PER1: variants seen among roughly 807,000 people sequenced by gnomAD.
PER1 encodes the protein period circadian regulator 1, also known as period circadian protein homolog 1.
In PER1, 87 loss-of-function variants were observed where a neutral mutation model predicts 125.9. The ratio of observed to expected loss-of-function variants is 0.69; its 90% CI spans 0.58 to 0.83. The LOEUF is 0.83. Among genes scored for constraint, PER1 ranks in the 40% least tolerant of loss-of-function variants. The pLI is 0.00. For synonymous variants in PER1, 801 were observed against 714.7 expected, an observed-to-expected ratio of 1.12 and a Z score of -1.93; for missense variants, 1,775 against 1,722.8, an observed-to-expected ratio of 1.03 and a Z score of -0.54.
Position 8,151,769 on chromosome 17 carries a change from C to A in PER1, c.-140+568G>T, listed in dbSNP as rs188370297. ...TTTTCTGGCCAGACCCCCCCACCAA[C>A]CCCAAGCCTTGGGCAGAAGACACAC... On this transcript the variant is annotated intron_variant, in intron 1 of 22. Coordinates refer to ENST00000317276, the MANE Select transcript of PER1 (RefSeq NM_002616.3). Among the ~76,000 whole-genome samples the A allele has an allele frequency of 3.3e-5, 5 of 152,248 alleles. No homozygotes were observed. In the East Asian group the frequency reaches 7.7e-4, roughly 23 times the overall value.
At chr17:8,145,309 C>T (rs1049698656) in intron 17 of PER1, 2 of 266,120 alleles carry the variant, frequency 7.5e-6, no homozygotes, top group Non-Finnish European at 1.4e-5. Flanking sequence ...CCTTCCCTCA[C>T]ACATTTTCTT....
chr17:8,148,451 T>C (rs1982601557), intron 8 of PER1, among the ~76,000 whole-genome samples, 192 bp from the exon 9 acceptor site: 2 of 152,212 alleles, frequency 1.3e-5, no homozygotes, highest in African/African-American at 4.8e-5. Flanking sequence ...CAAGGCATTC[T>C]TCTCTGCCCT....
rs200267715 is a variant in PER1 at position 8,143,584 on chromosome 17, C to T, written c.2754G>A (p.Met918Ile). The T allele has an allele frequency of 1.4e-6, 2 of 1,461,732 alleles. No individual in the cohort carries two copies. Among genetic ancestry groups the T allele is most frequent in the Admixed American group, 5.2e-5 (2 of 38,314 alleles). 90.5% of individuals were successfully genotyped at this position (1,461,732 alleles called of 1,614,324 possible). A position where few individuals can be genotyped will look rare whatever the true frequency, so the allele number is the denominator to read the frequency against. Reference sequence around the variant, plus strand: ...GATAGTTAGGGAGCACCAAGGCCACCATTGGGGTCACCAAAGGGGCGGGGA... The same window carrying T: ...GATAGTTAGGGAGCACCAAGGCCACTATTGGGGTCACCAAAGGGGCGGGGA... ...AAFPAPLVTPMVALVLPNYLF... is the reference protein window; with the variant it reads ...AAFPAPLVTPIVALVLPNYLF... Residue 918 changes from methionine (M) to isoleucine (I), a missense_variant, in exon 19 of 23, where the codon ATG becomes ATA. By Grantham distance (10) the Met-to-Ile change is conservative. Transcript: ENST00000317276.
rs1302682688 is a variant in PER1 at position 8,150,275 on chromosome 17, G to A, written c.318C>T (p.Ala106=). 1.3e-6 allele frequency: 2 copies of A among 1,567,298 alleles called. No individual in the cohort carries two copies. The highest frequency in any genetic ancestry group is 3.6e-5 in the Admixed American group (2 of 55,672). ...CTGAGCTGGCACTCAGGAGGCTGTA[G>A]GCAATGGAACTGCTGGGTGGGGATG... is the stretch of plus-strand genomic sequence containing the variant. ...QSPSPPSSSI[A]YSLLSASSEQ... The change falls in exon 3 of 23, where the codon GCC becomes GCT. Residue 106 remains alanine (A), a synonymous_variant. Coordinates refer to ENST00000317276, the MANE Select transcript of PER1 (RefSeq NM_002616.3).
rs1982627014 is a variant in PER1 at position 8,148,788 on chromosome 17, T to C, written c.906-2A>G. ...CCTGGATCCCGGTCAGGACCTCCTC[T>C]AGCAAAGGAGAGAGGAGCATTAGGG... On this transcript the variant is annotated splice_acceptor_variant, in intron 7 of 22. Transcript: ENST00000317276. LOFTEE classifies it high-confidence loss of function. 1.2e-6 allele frequency: 2 copies of C among 1,613,304 alleles called. No individual in the cohort carries two copies. Among genetic ancestry groups the C allele is most frequent in the South Asian group, 1.1e-5 (1 of 90,992 alleles).
chr17:8,142,895 A>G lies in PER1; in HGVS notation c.3073-60T>C, dbSNP rs1047667060. ...GGGTCAGCACCTAGGCCTCCCTTCAACTGCTCTTACTGGTTGTGGGGAGAG... is the reference window on the plus strand; with the variant it reads ...GGGTCAGCACCTAGGCCTCCCTTCAGCTGCTCTTACTGGTTGTGGGGAGAG... On this transcript the variant is annotated intron_variant, in intron 19 of 22. Coordinates refer to ENST00000317276, the MANE Select transcript of PER1 (RefSeq NM_002616.3). 6 of 1,285,256 alleles carry G rather than the reference A, an allele frequency of 4.7e-6. No homozygotes were observed. In the African/African-American group the frequency reaches 5.9e-5, roughly 13 times the overall value. The allele number at this position is 1,285,256 out of a possible 1,614,324, so 79.6% of individuals were successfully genotyped here. A position where few individuals can be genotyped will look rare whatever the true frequency, so the allele number is the denominator to read the frequency against.
intron 8 of PER1, 140 bp downstream of exon 8, chr17:8,148,504 G>T: frequency 9.0e-7 from 1 of 1,110,356 alleles, no homozygotes; most frequent in Non-Finnish European, 1.3e-6. Flanking sequence ...TCTAAGAGGA[G>T]CTCAAATCCT....
In PER1 at chr17:8,140,908, C is replaced by T; in HGVS notation, c.*160G>A. 2.5e-6 allele frequency: 2 copies of T among 790,232 alleles called. No individual in the cohort carries two copies. Among genetic ancestry groups the T allele is most frequent in the Non-Finnish European group, 2.0e-6 (1 of 494,824 alleles). 49.0% of individuals were successfully genotyped at this position (790,232 alleles called of 1,614,324 possible). Reference sequence around the variant, plus strand: ...CTGCTCCCTAAGAGGCCAGAGGCAGCCCCTGGATCCTAGGCTGGTGATGGG... The same window carrying T: ...CTGCTCCCTAAGAGGCCAGAGGCAGTCCCTGGATCCTAGGCTGGTGATGGG... On this transcript the variant is annotated 3_prime_UTR_variant, in exon 23 of 23. Transcript: ENST00000317276.
In PER1 at chr17:8,142,731, G is replaced by C; in HGVS notation, c.3177C>G (p.Ala1059=). 6.2e-7 allele frequency: 1 copy of C among 1,613,978 alleles called. No individual in the cohort carries two copies. The highest frequency in any genetic ancestry group is 8.5e-7 in the Non-Finnish European group (1 of 1,179,958). ...EDSRSGTGSA[A]SGSLGSGLGS... ...CCAAGCCAGAGCCCAAGGAGCCCGAGGCTGCGGAGCCTGTGCCGGAGCGCG... is the reference window on the plus strand; with the variant it reads ...CCAAGCCAGAGCCCAAGGAGCCCGACGCTGCGGAGCCTGTGCCGGAGCGCG... The change falls in exon 20 of 23, where the codon GCC becomes GCG. Residue 1059 remains alanine, a synonymous_variant. Coordinates refer to ENST00000317276, the MANE Select transcript of PER1 (RefSeq NM_002616.3).
Position 8,143,519 on chromosome 17 carries a change from T to G in PER1, c.2819A>C (p.Gln940Pro), listed in dbSNP as rs947587219. The G allele has an allele frequency of 9.0e-6, 14 of 1,546,996 alleles. No individual in the cohort carries two copies. Among genetic ancestry groups the G allele is most frequent in the Middle Eastern group, 3.4e-4 (2 of 5,804 alleles). ...AGTGGGAGGCCCTTCAGCAGGGGTC[T>G]GGAGTGCCCCATAAGGATAGCTGGA... ...TPSSYPYGAL[Q>P]TPAEGPPTPA... The change falls in exon 19 of 23, where the codon CAG (glutamine) becomes CCG (proline). Residue 940 changes from glutamine to proline, a missense_variant. Gln to Pro is a moderately conservative substitution (Grantham distance 76). Coordinates refer to ENST00000317276, the MANE Select transcript of PER1 (RefSeq NM_002616.3).
At chr17:8,151,994 G>A (rs554898789) in intron 1 of PER1, among the ~76,000 whole-genome samples, 26 of 152,322 alleles carry the variant, frequency 1.7e-4, no homozygotes, top group African/African-American at 5.8e-4. Context: ...CACGGGGAGC[G>A]CTGAAAGCCT....
Position 8,144,986 on chromosome 17 carries a change from G to T in PER1, c.2226C>A (p.Ile742=). 1 of 1,496,196 alleles carries T rather than the reference G, an allele frequency of 6.7e-7. No individual in the cohort carries two copies. The highest frequency in any genetic ancestry group is 8.9e-7 in the Non-Finnish European group (1 of 1,123,076). The allele number at this position is 1,496,196 out of a possible 1,614,324, so 92.7% of individuals were successfully genotyped here. The change falls in exon 18 of 23, where the codon ATC becomes ATA. Residue 742 remains isoleucine (I), a synonymous_variant. Coordinates refer to ENST00000317276, the MANE Select transcript of PER1 (RefSeq NM_002616.3). ...GDKKPPESDI[I]MMEDLPGLAP... ...CTAGGCCAGGCAGGTCCTCCATCAT[G>T]ATGATGTCTGAGGAGAGTGAGATAG...
At position 8,142,850 on chromosome 17, in the gene PER1, G is replaced by T; in HGVS notation, c.3073-15C>A. The T allele has an allele frequency of 6.3e-7, 1 of 1,576,272 alleles. No individual in the cohort carries two copies. The highest frequency in any genetic ancestry group is 2.3e-5 in the East Asian group (1 of 43,300). On this transcript the variant is annotated splice_polypyrimidine_tract_variant and intron_variant, in intron 19 of 22. Coordinates refer to ENST00000317276, the MANE Select transcript of PER1 (RefSeq NM_002616.3). ...GTGACCTCCGCCTGGAGGAGGGGAG[G>T]GGGGCAAGGAGGGATGGAGGGGTCA...
intron 17 of PER1, among the ~76,000 whole-genome samples, chr17:8,145,359 T>C (rs1300374882): frequency 7.4e-6 from 1 of 135,928 alleles, no homozygotes; most frequent in African/African-American, 2.7e-5. Context: ...AGTCTCACTC[T>C]TTCTCCCAAG....
chr17:8,149,429 C>T (rs377310328), intron 6 of PER1, 33 bp downstream of exon 6: 4 of 1,609,058 alleles, frequency 2.5e-6, no homozygotes, highest in African/African-American at 1.3e-5. Context: ...CCTGGGACTG[C>T]TCATGCCTCC....
intron 20 of PER1, 95 bp from the exon 21 acceptor site, chr17:8,142,553 C>T: frequency 6.4e-7 from 1 of 1,562,080 alleles, no homozygotes; most frequent in Non-Finnish European, 8.7e-7. Flanking sequence ...CATGTCCATC[C>T]CAGTGGCCTT....
Position 8,143,865 on chromosome 17 carries a change from C to T in PER1, c.2473G>A (p.Gly825Ser), listed in dbSNP as rs760407265. The change falls in exon 19 of 23, where the codon GGC becomes AGC. Residue 825 changes from glycine (G) to serine (S), a missense_variant. Physicochemically the swap from Gly to Ser is moderately conservative, Grantham distance 56. Transcript: ENST00000317276. Reference protein sequence around the residue: ...SALGERGCHHGPAPPSRRHHC... With the variant: ...SALGERGCHHSPAPPSRRHHC... Reference sequence around the variant, plus strand: ...TGTCGGCGGCTTGGGGGTGCGGGGCCGTGGTGGCAGCCTGTGGGGAGAGAC... The same window carrying T: ...TGTCGGCGGCTTGGGGGTGCGGGGCTGTGGTGGCAGCCTGTGGGGAGAGAC... 41 of 1,608,508 alleles carry T rather than the reference C, an allele frequency of 2.5e-5. No individual in the cohort carries two copies. Among genetic ancestry groups the T allele is most frequent in the East Asian group, 1.3e-4 (6 of 44,710 alleles).
chr17:8,142,005 C>T (rs1982111299), intron 21 of PER1, 50 bp from the exon 22 acceptor site: 2 of 1,608,298 alleles, frequency 1.2e-6, no homozygotes, highest in Non-Finnish European at 1.7e-6. Flanking sequence ...AGGACCCGGA[C>T]CAGGACCCAT....
chr17:8,141,450 A>C, intron 22 of PER1, 110 bp from the exon 23 acceptor site: 1 of 1,284,512 alleles, frequency 7.8e-7, no homozygotes, highest in Non-Finnish European at 1.1e-6. Context: ...TACTCCCAAG[A>C]AGCACCAGTC....
Sources: allele counts gnomAD v4.1 joint callset (sites outside exome capture counted in the v4.1 genomes callset), GRCh38; gene constraint gnomAD v4.1.1; transcripts MANE v1.5; gene names NCBI Gene and HGNC (gene_info 2026-07-23, HGNC 2026-07-21).